The following SLC6A12 variants were observed in gnomAD, a reference collection of about 807,000 sequenced individuals.
SLC6A12 encodes the protein sodium- and chloride-dependent betaine transporter.
Under a neutral mutation model 73.3 loss-of-function variants are expected in SLC6A12, and 50 were observed. The ratio of observed to expected loss-of-function variants is 0.68; its 90% CI spans 0.54 to 0.86. The LOEUF (loss-of-function observed/expected upper bound fraction) is 0.86, where lower values mean the gene tolerates loss of function less well. SLC6A12 is among the 40% of genes least tolerant of loss of function. The probability of loss-of-function intolerance (pLI) is 0.00; values close to 1 mark genes in which losing one functional copy is unlikely to be tolerated. For missense variants in SLC6A12, 648 were observed against 772.8 expected (o/e 0.84, Z 1.92); for synonymous variants, 304 against 309.2 (o/e 0.98, Z 0.18).
At chr12:187,431 C>G (rs1939450096), downstream of SLC6A12, among the ~76,000 whole-genome samples, 1 of 151,638 alleles carries the variant, frequency 6.6e-6, no homozygotes, top group South Asian at 2.1e-4. Context: ...TGCTACAACT[C>G]TGAAGGCGGC....
intron 9 of SLC6A12, 35 bp downstream of exon 9, chr12:197,865 C>T (rs1940002487): frequency 7.1e-7 from 1 of 1,402,032 alleles, no homozygotes; most frequent in South Asian, 1.2e-5. Context: ...GGCCCCAACC[C>T]TCCTTCACCC....
rs780448705 is a variant in SLC6A12 at position 196,259 on chromosome 12, A to G, written c.1191T>C (p.Phe397=). 6.2e-7 allele frequency: 1 copy of G among 1,608,358 alleles called. No individual in the cohort carries two copies. ...MLIFLGLDSQ[F]VCVECLVTAS... ...CTGTCACCAGGCACTCCACACAGAC[A>G]AACTGTGGGCCAGGAGGGGAACTGG... is the stretch of plus-strand genomic sequence containing the variant. The change falls in exon 12 of 16, where the codon TTT becomes TTC. Residue 397 remains phenylalanine, a splice_region_variant and synonymous_variant. Coordinates refer to ENST00000684302, the MANE Select transcript of SLC6A12 (RefSeq NM_001122848.3).
In SLC6A12 at chr12:201,839, C is replaced by G. The variant is rs147159560; in HGVS notation, c.501G>C (p.Thr167=). ...CNNFWNTEHC[T]DFLNHSGAGT... The stretch of plus-strand genomic sequence containing the variant: ...CGGCTCCTGAGTGGTTCAGAAAGTC[C>G]GTGCAATGCTCTGTTGGGGACAAGG... Residue 167 remains threonine (T), a synonymous_variant, in exon 6 of 16, where the codon ACG becomes ACC. Coordinates refer to ENST00000684302, the MANE Select transcript of SLC6A12 (RefSeq NM_001122848.3). 1 of 1,613,834 alleles carries G rather than the reference C, an allele frequency of 6.2e-7. No homozygotes were observed. The highest frequency in any genetic ancestry group is 2.2e-5 in the East Asian group (1 of 44,874).
chr12:195,158 C>T, intron 13 of SLC6A12, 67 bp downstream of exon 13: 1 of 1,025,022 alleles, frequency 9.8e-7, no homozygotes, highest in Non-Finnish European at 1.5e-6. Flanking sequence ...CCAGGCAAAG[C>T]CTGCCCCTGG....
downstream of SLC6A12, among the ~76,000 whole-genome samples, chr12:187,263 A>G (rs1349198679): frequency 1.3e-5 from 2 of 152,148 alleles, no homozygotes; most frequent in South Asian, 2.1e-4. Context: ...GACTTCAAGC[A>G]TGAAGCCGCA....
At chr12:204,834 C>G in intron 3 of SLC6A12, 136 bp from the exon 4 acceptor site, 1 of 911,178 alleles carries the variant, frequency 1.1e-6, no homozygotes, top group East Asian at 2.7e-5. Flanking sequence ...TTTCCAAGGG[C>G]CCACTCCTGC....
the SLC6A12 span, among the ~76,000 whole-genome samples, chr12:184,253 C>T: frequency 6.6e-6 from 1 of 152,080 alleles, no homozygotes. Context: ...AAATTCAACC[C>T]TTACTGTTGA....
intron 2 of SLC6A12, chr12:210,477 C>T: frequency 1.2e-6 from 1 of 845,650 alleles, no homozygotes; most frequent in Non-Finnish European, 1.5e-6. Flanking sequence ...GCAGGTGTGG[C>T]CGAAGTGACT....
downstream of SLC6A12, among the ~76,000 whole-genome samples, chr12:187,748 T>C (rs1483250565): frequency 6.6e-6 from 1 of 151,876 alleles, no homozygotes; most frequent in South Asian, 2.1e-4. Flanking sequence ...TGCTGATTGG[T>C]CCATTTTACA....
chr12:201,099 G>C (rs943301598), intron 6 of SLC6A12: 5 of 281,896 alleles, frequency 1.8e-5, no homozygotes, highest in African/African-American at 1.1e-4. Flanking sequence ...ATGGGCAAGT[G>C]CATGGGTATC....
Position 197,376 on chromosome 12 carries a change from C to G in SLC6A12, c.1075+1G>C. ...GCCCCAGACAGCAAAGTGGCACCTA[C>G]CTGACTCGGCCACTTCAGAAATGGG... On this transcript the variant is annotated splice_donor_variant, in intron 10 of 15. Coordinates refer to ENST00000684302, the MANE Select transcript of SLC6A12 (RefSeq NM_001122848.3). LOFTEE classifies it high-confidence loss of function. 3.1e-6 allele frequency: 5 copies of G among 1,612,436 alleles called. No homozygotes were observed. The highest frequency in any genetic ancestry group is 4.2e-6 in the Non-Finnish European group (5 of 1,179,158).
intron 6 of SLC6A12, among the ~76,000 whole-genome samples, chr12:201,044 G>A (rs1940234712): frequency 2.0e-5 from 3 of 152,200 alleles, no homozygotes; most frequent in Non-Finnish European, 4.4e-5. Context: ...GATGAGGAAT[G>A]TATAAATGAG....
rs767149255 is a variant in SLC6A12 at position 198,974 on chromosome 12, G to C, written c.712-43C>G. ...GGCCAAGGTCACTCCTGGTGGGGAC[G>C]CAGTGGCCCTCCAGCCACGCCCCAC... is the stretch of plus-strand genomic sequence containing the variant. On this transcript the variant is annotated intron_variant, in intron 7 of 15. Transcript: ENST00000684302. The surrounding 1 kb of genome is among the most constrained non-coding windows in gnomAD (Gnocchi z 4.0). 3.4e-5 allele frequency: 54 copies of C among 1,606,298 alleles called. No individual in the cohort carries two copies. The highest frequency in any genetic ancestry group is 4.1e-5 in the Non-Finnish European group (48 of 1,174,314).
chr12:205,382 A>G (rs1940578204), intron 3 of SLC6A12, among the ~76,000 whole-genome samples: 1 of 152,236 alleles, frequency 6.6e-6, no homozygotes, highest in Non-Finnish European at 1.5e-5. Flanking sequence ...TTACACCATG[A>G]GAACGCTGAG....
rs201294089 is a variant in SLC6A12, at chr12:202,756, G to A, written c.474C>T (p.Asn158=). ...GATGGATACCTGTGTTCCAAAAGTT[G>A]TTGCAGGTCGTCCAGGGCAGCTCAG... ...FTSELPWTTC[N]NFWNTEHCTD... The change falls in exon 5 of 16, where the codon AAC becomes AAT. Residue 158 remains asparagine (N), a synonymous_variant. Transcript: ENST00000684302. 9.4e-5 allele frequency: 152 copies of A among 1,613,654 alleles called. No homozygotes were observed. In the African/African-American group the frequency reaches 9.7e-4, roughly 10 times the overall value.
At position 213,135 on chromosome 12, in the gene SLC6A12, C is replaced by T. The variant is rs1457573179; in HGVS notation, c.-143+787G>A. Among the ~76,000 whole-genome samples, 2 of 152,134 alleles carry T rather than the reference C, an allele frequency of 1.3e-5. No individual in the cohort carries two copies. Among genetic ancestry groups the T allele is most frequent in the Admixed American group, 1.3e-4 (2 of 15,278 alleles). ...TGCTGCTGGGATCCCAGCTCTGTCC[C>T]CTTTGCTCCCCAGTCCAGCATAGGA... On this transcript the variant is annotated intron_variant, in intron 1 of 15. Transcript: ENST00000684302. The surrounding 1 kb of genome is among the most constrained non-coding windows in gnomAD (Gnocchi z 5.3).
the SLC6A12 span, among the ~76,000 whole-genome samples, chr12:184,771 T>A: frequency 2.0e-5 from 3 of 150,920 alleles, no homozygotes; most frequent in African/African-American, 7.3e-5. Context: ...AATAAAAAAA[T>A]AAAAATACAA....
rs1364104896 is a variant in SLC6A12, at chr12:190,938, T to A, written c.*130A>T. 1.9e-5 allele frequency: 14 copies of A among 728,710 alleles called. No homozygotes were observed. Among genetic ancestry groups the A allele is most frequent in the Non-Finnish European group, 2.5e-5 (13 of 527,112 alleles). 45.1% of individuals were successfully genotyped at this position (728,710 alleles called of 1,614,324 possible). A position where few individuals can be genotyped will look rare whatever the true frequency, so the allele number is the denominator to read the frequency against. ...GAGGAGTCTGGCCTCCAGCTGGGGGTGCCTGTGGCTCTCCAGAGGTTCCCA... is the reference window on the plus strand; with the variant it reads ...GAGGAGTCTGGCCTCCAGCTGGGGGAGCCTGTGGCTCTCCAGAGGTTCCCA... On this transcript the variant is annotated 3_prime_UTR_variant, in exon 16 of 16. Transcript: ENST00000684302.
downstream of SLC6A12, among the ~76,000 whole-genome samples, chr12:186,602 C>T (rs568280073): frequency 6.6e-5 from 10 of 152,216 alleles, no homozygotes; most frequent in Admixed American, 6.5e-4. Flanking sequence ...GTGTATTCAC[C>T]TTGCAGCAAG....
Sources: allele counts gnomAD v4.1 joint callset (sites outside exome capture counted in the v4.1 genomes callset), GRCh38; gene constraint gnomAD v4.1.1; non-coding constraint Gnocchi (gnomAD v3.1); transcripts MANE v1.5; gene names NCBI Gene and HGNC (gene_info 2026-07-23, HGNC 2026-07-21).